Variants in LRMDA observed in about 807,000 individuals in gnomAD.
LRMDA encodes leucine rich melanocyte differentiation associated.
A neutral mutation model predicts 29.8 loss-of-function variants in LRMDA; 18 were observed. The observed-to-expected ratio is 0.60, with a 90% confidence interval of 0.42 to 0.90. LRMDA has a LOEUF of 0.90. Ranked by LOEUF, LRMDA falls within the 40% of genes least tolerant of loss-of-function variation. The pLI is 0.00. For missense variants in LRMDA, 273 were observed against 273.9 expected (o/e 1.00, Z 0.02); for synonymous variants, 125 against 109.4 (o/e 1.14, Z -0.89).
intron 2 of LRMDA, among the ~76,000 whole-genome samples, chr10:75,938,681 T>G: frequency 6.6e-6 from 1 of 152,180 alleles, no homozygotes; most frequent in East Asian, 1.9e-4. Flanking sequence ...AATGAAAGAC[T>G]GAGAATTTAT....
intron 6 of LRMDA, among the ~76,000 whole-genome samples, chr10:76,477,499 G>A (rs1842687619): frequency 6.6e-6 from 1 of 151,930 alleles, no homozygotes; most frequent in Admixed American, 6.6e-5. Context: ...TAGATTCAAT[G>A]CCATCCCCAT....
intron 2 of LRMDA, among the ~76,000 whole-genome samples, chr10:75,847,666 T>A (rs369163867): frequency 4.6e-5 from 7 of 152,210 alleles, no homozygotes; most frequent in Admixed American, 2.6e-4. Context: ...GATGACCTCA[T>A]TAAAAAATGG....
At chr10:76,530,805 A>AG (rs1282499298) in intron 6 of LRMDA, among the ~76,000 whole-genome samples, 1 of 152,206 alleles carries the variant, frequency 6.6e-6, no homozygotes, top group Non-Finnish European at 1.5e-5. Context: ...TAAAAGAGCT[A>AG]GACCGTACTC....
intron 2 of LRMDA, among the ~76,000 whole-genome samples, chr10:75,979,505 G>A (rs1847129251): frequency 6.6e-6 from 1 of 152,174 alleles, no homozygotes; most frequent in Admixed American, 6.5e-5. Flanking sequence ...TTCCAGTGCT[G>A]TAAGCTAAGT....
chr10:76,118,840 C>CTTTTTTTTTT (rs962279433), intron 5 of LRMDA, among the ~76,000 whole-genome samples: 1 of 45,974 alleles, frequency 2.2e-5, no homozygotes, highest in Non-Finnish European at 4.2e-5. Context: ...TGCAAATACA[C>CTTTTTTTTTT]TTTTTTTTTT....
At chr10:76,494,479 C>A (rs1842863641) in intron 6 of LRMDA, among the ~76,000 whole-genome samples, 1 of 151,640 alleles carries the variant, frequency 6.6e-6, no homozygotes, top group African/African-American at 2.4e-5. Context: ...TCATTCATTC[C>A]TGATATTGAT....
intron 2 of LRMDA, among the ~76,000 whole-genome samples, chr10:75,520,554 A>G (rs1226788325): frequency 1.3e-5 from 2 of 151,938 alleles, no homozygotes; most frequent in Non-Finnish European, 2.9e-5. Context: ...TTCTCTCTAC[A>G]CTGTTTATTC....
intron 2 of LRMDA, among the ~76,000 whole-genome samples, chr10:75,732,590 C>T (rs947343519): frequency 6.6e-6 from 1 of 152,190 alleles, no homozygotes; most frequent in Non-Finnish European, 1.5e-5. Context: ...TGACCATCCC[C>T]CTTCTCTGTG....
intron 2 of LRMDA, among the ~76,000 whole-genome samples, chr10:76,013,678 G>C (rs190214223): frequency 6.6e-6 from 1 of 152,114 alleles, no homozygotes; most frequent in Non-Finnish European, 1.5e-5. Context: ...AGGGAGGTGG[G>C]GGGGAAGGCC....
chr10:75,792,635 C>G (rs1372351972), intron 2 of LRMDA, among the ~76,000 whole-genome samples: 1 of 152,142 alleles, frequency 6.6e-6, no homozygotes, highest in Non-Finnish European at 1.5e-5. Context: ...CAGTGGCGAA[C>G]AGCAGGGTGA....
chr10:76,423,819 T>A (rs551120183), intron 6 of LRMDA, among the ~76,000 whole-genome samples: 1 of 152,312 alleles, frequency 6.6e-6, no homozygotes, highest in African/African-American at 2.4e-5. Flanking sequence ...AGGAGGTGTT[T>A]GTTATAGAAA....
intron 5 of LRMDA, among the ~76,000 whole-genome samples, chr10:76,318,096 T>C (rs1336461739): frequency 6.6e-6 from 1 of 152,254 alleles, no homozygotes; most frequent in Non-Finnish European, 1.5e-5. Flanking sequence ...GGTTTTATTT[T>C]TGTCTTCTGT....
chr10:75,610,624 C>T (rs963536136), intron 2 of LRMDA, among the ~76,000 whole-genome samples: 5 of 152,278 alleles, frequency 3.3e-5, no homozygotes, highest in East Asian at 1.9e-4. Flanking sequence ...GTGATCATGG[C>T]CAGAGACTTT....
intron 6 of LRMDA, among the ~76,000 whole-genome samples, chr10:76,340,039 C>A (rs1431299985): frequency 2.0e-5 from 3 of 151,958 alleles, no homozygotes; most frequent in Admixed American, 6.6e-5. Flanking sequence ...ATAAAGGAAT[C>A]CTCCATGAGA....
intron 5 of LRMDA, among the ~76,000 whole-genome samples, chr10:76,244,708 C>G (rs1002200984): frequency 2.0e-5 from 3 of 151,972 alleles, no homozygotes; most frequent in African/African-American, 7.3e-5. Context: ...CAGAAAGAAG[C>G]CAATGTAAAT....
At chr10:75,968,916 T>C (rs1846915438) in intron 2 of LRMDA, among the ~76,000 whole-genome samples, 1 of 152,168 alleles carries the variant, frequency 6.6e-6, no homozygotes, top group Non-Finnish European at 1.5e-5. Context: ...ATTAGGTGAG[T>C]ATGGGTTTTG....
At chr10:76,086,685 G>A (rs1452341697) in intron 5 of LRMDA, among the ~76,000 whole-genome samples, 1 of 152,090 alleles carries the variant, frequency 6.6e-6, no homozygotes, top group African/African-American at 2.4e-5. Context: ...GGAGGGGCCC[G>A]AATGAAAAAG....
intron 6 of LRMDA, among the ~76,000 whole-genome samples, chr10:76,528,048 A>C (rs1843196654): frequency 6.6e-6 from 1 of 152,120 alleles, no homozygotes; most frequent in Admixed American, 6.5e-5. Flanking sequence ...TAAACTAGCA[A>C]AGATGTTTAA....
intron 2 of LRMDA, among the ~76,000 whole-genome samples, chr10:75,649,794 G>T (rs777119913): frequency 1.2e-4 from 19 of 152,182 alleles, no homozygotes; most frequent in Non-Finnish European, 2.2e-4. Flanking sequence ...TTTTTGTTTG[G>T]GTGTGTGTGA....
Sources: allele counts gnomAD v4.1 joint callset (sites outside exome capture counted in the v4.1 genomes callset), GRCh38; gene constraint gnomAD v4.1.1; transcripts MANE v1.5; gene names NCBI Gene and HGNC (gene_info 2026-07-23, HGNC 2026-07-21).